Variants in RANBP2 observed in about 807,000 individuals in gnomAD.
RANBP2 encodes E3 SUMO-protein ligase RanBP2.
RANBP2 carries 57 observed loss-of-function variants against 303.6 expected under a neutral mutation model. That is an observed-to-expected ratio of 0.19 (90% confidence interval 0.15 to 0.23). The LOEUF (loss-of-function observed/expected upper bound fraction) is 0.23, where lower values mean the gene tolerates loss of function less well. Ranked by LOEUF, RANBP2 falls within the 10% of genes least tolerant of loss-of-function variation. The pLI is 1.00. For synonymous variants in RANBP2, 1,167 were observed against 1,301.5 expected (o/e 0.90, Z 2.23); for missense variants, 3,138 against 3,780.8 (o/e 0.83, Z 4.46).
At chr2:109,454,126 A>G in the RANBP2 span, among the ~76,000 whole-genome samples, 1 of 152,268 alleles carries the variant, frequency 6.6e-6, no homozygotes, top group South Asian at 2.1e-4. Flanking sequence ...AAGAGAGAGA[A>G]GAAAACAAAG....
chr2:109,361,154 C>T, the RANBP2 span, among the ~76,000 whole-genome samples: 1 of 152,158 alleles, frequency 6.6e-6, no homozygotes, highest in Non-Finnish European at 1.5e-5. Context: ...TTGAGCCAGC[C>T]TTGCATACCT....
At chr2:109,615,343 G>A in the RANBP2 span, 13 of 1,612,248 alleles carry the variant, frequency 8.1e-6, no homozygotes, top group Admixed American at 1.7e-5. Flanking sequence ...AGCCTGGAGG[G>A]CTTGCTCACC....
the RANBP2 span, chr2:109,251,521 T>A: frequency 1.3e-6 from 1 of 743,434 alleles, no homozygotes; most frequent in Non-Finnish European, 2.5e-6. Context: ...ATTGTGGTCA[T>A]TTGGTCCCTT....
chr2:108,994,273 C>T, the RANBP2 span, among the ~76,000 whole-genome samples: 1 of 152,210 alleles, frequency 6.6e-6, no homozygotes, highest in South Asian at 2.1e-4. Context: ...AGGCCAGGAG[C>T]TTCGTGCAGG....
the RANBP2 span, among the ~76,000 whole-genome samples, chr2:109,046,120 G>T: frequency 3.3e-5 from 5 of 151,456 alleles, no homozygotes; most frequent in African/African-American, 9.7e-5. Flanking sequence ...CTGGCTAACA[G>T]GGTGAAACCC....
the RANBP2 span, among the ~76,000 whole-genome samples, chr2:109,695,619 GAGAT>G: frequency 6.6e-6 from 1 of 152,172 alleles, no homozygotes; most frequent in Non-Finnish European, 1.5e-5. Context: ...TATCAGATAG[GAGAT>G]AGATAGAAAT....
chr2:108,913,907 G>A, the RANBP2 span, among the ~76,000 whole-genome samples: 5,118 of 134,386 alleles, frequency 0.038, 124 homozygotes, highest in Non-Finnish European at 0.053. Flanking sequence ...CTGAGATTGC[G>A]CCACTGCACT....
the RANBP2 span, among the ~76,000 whole-genome samples, chr2:109,070,394 G>A: frequency 2.6e-5 from 4 of 152,304 alleles, no homozygotes; most frequent in East Asian, 7.7e-4. Flanking sequence ...GATATAGTTT[G>A]GACGTTTGTC....
rs1177239445 is a variant in RANBP2, at chr2:108,751,896, C to G, written c.1657C>G (p.Leu553Val). The change falls in exon 12 of 29, where the codon CTT becomes GTT. Residue 553 changes from leucine (L) to valine (V), a missense_variant. By Grantham distance (32) the Leu-to-Val change is conservative (BLOSUM62 1). Coordinates refer to ENST00000283195, the MANE Select transcript of RANBP2 (RefSeq NM_006267.5). ...AVPGNVAKLR[L>V]LVQHEINTLR... ...ACCTGGAAACGTAGCAAAATTGAGACTTCTAGTTCAGCATGAAATAAACAC... is the reference window on the plus strand; with the variant it reads ...ACCTGGAAACGTAGCAAAATTGAGAGTTCTAGTTCAGCATGAAATAAACAC... 2 of 1,611,900 alleles carry G rather than the reference C, an allele frequency of 1.2e-6. No individual in the cohort carries two copies. Among genetic ancestry groups the G allele is most frequent in the Non-Finnish European group, 1.7e-6 (2 of 1,179,850 alleles).
At chr2:109,562,097 C>T in the RANBP2 span, among the ~76,000 whole-genome samples, 1 of 151,958 alleles carries the variant, frequency 6.6e-6, no homozygotes, top group Admixed American at 6.6e-5. Flanking sequence ...CCTATAGTCC[C>T]AGCTACTCAG....
At chr2:109,537,411 A>G in the RANBP2 span, among the ~76,000 whole-genome samples, 1 of 152,172 alleles carries the variant, frequency 6.6e-6, no homozygotes, top group Non-Finnish European at 1.5e-5. Flanking sequence ...ATGAGGTACT[A>G]TCCTTTTTAT....
At chr2:108,866,580 G>C in the RANBP2 span, among the ~76,000 whole-genome samples, 1 of 152,082 alleles carries the variant, frequency 6.6e-6, no homozygotes, top group Non-Finnish European at 1.5e-5. Context: ...CTCAAGTATT[G>C]ACACATTGAA....
chr2:109,361,269 T>C, the RANBP2 span, among the ~76,000 whole-genome samples: 1 of 152,222 alleles, frequency 6.6e-6, no homozygotes. Flanking sequence ...TCATGAGATA[T>C]ATAGGTCTGT....
chr2:109,659,232 C>T, the RANBP2 span, among the ~76,000 whole-genome samples: 1 of 151,904 alleles, frequency 6.6e-6, no homozygotes, highest in Non-Finnish European at 1.5e-5. Context: ...CAAAAACTAG[C>T]TGGGCGTGGT....
At chr2:109,581,288 T>G in the RANBP2 span, among the ~76,000 whole-genome samples, 140 of 152,004 alleles carry the variant, frequency 9.2e-4, no homozygotes, top group African/African-American at 3.4e-3. Flanking sequence ...TTTGCAAAAA[T>G]TAGCCGGGTG....
the RANBP2 span, among the ~76,000 whole-genome samples, chr2:109,484,993 T>G: frequency 6.6e-6 from 1 of 152,238 alleles, no homozygotes; most frequent in Non-Finnish European, 1.5e-5. Context: ...CTGGTGAGTT[T>G]TTACCTCCCC....
chr2:109,323,937 G>T, the RANBP2 span, among the ~76,000 whole-genome samples: 1 of 152,148 alleles, frequency 6.6e-6, no homozygotes, highest in Non-Finnish European at 1.5e-5. Flanking sequence ...ACTGTAAAAA[G>T]AAATGCCATA....
chr2:109,494,465 T>C, the RANBP2 span, among the ~76,000 whole-genome samples: 1 of 151,954 alleles, frequency 6.6e-6, no homozygotes, highest in African/African-American at 2.4e-5. Context: ...GCTGAGGGCA[T>C]GACTGGGAAA....
the RANBP2 span, among the ~76,000 whole-genome samples, chr2:109,704,037 G>C: frequency 1.6e-4 from 25 of 152,126 alleles, no homozygotes; most frequent in East Asian, 1.2e-3. Flanking sequence ...GGCTGAGGGT[G>C]GTGGGTCAAA....
Sources: gnomAD v4.1 joint callset for allele counts (sites outside exome capture counted in the v4.1 genomes callset) on GRCh38, gnomAD v4.1.1 for gene constraint, MANE v1.5 for transcripts, NCBI Gene and HGNC (gene_info 2026-07-23, HGNC 2026-07-21) for gene names.